The following ZNF518B variants were observed in gnomAD, a reference collection of about 807,000 sequenced individuals.
ZNF518B encodes zinc finger protein 518B.
A neutral mutation model predicts 56.3 loss-of-function variants in ZNF518B; 23 were observed. That is an observed-to-expected ratio of 0.41 (90% confidence interval 0.29 to 0.58). ZNF518B has a LOEUF of 0.58. Among genes scored for constraint, ZNF518B ranks in the 20% least tolerant of loss-of-function variants. The probability of loss-of-function intolerance (pLI) is 0.32; values close to 1 mark genes in which losing one functional copy is unlikely to be tolerated. For synonymous variants in ZNF518B, 529 were observed against 465.9 expected (o/e 1.14, Z -1.74); for missense variants, 1,460 against 1,272.1 (o/e 1.15, Z -2.25).
rs148154385 is a variant in ZNF518B at position 10,448,461 on chromosome 4, A to T, written c.-211-1922T>A. ...AACCTGCCCTTTGGAAAGCACCAAA[A>T]TAACACATCATATCTGATGACAAGC... On this transcript the variant is annotated intron_variant, in intron 2 of 2. Coordinates refer to ENST00000326756, the MANE Select transcript of ZNF518B (RefSeq NM_053042.3). Among the ~76,000 whole-genome samples the T allele has an allele frequency of 2.3e-3, 350 of 152,314 alleles. 1 individual carries two copies. Among genetic ancestry groups the T allele is most frequent in the South Asian group, 4.6e-3 (22 of 4,824 alleles).
Position 10,441,224 on chromosome 4 carries a change from A to AAAATTAGCT in ZNF518B, c.*1871_*1879dup, listed in dbSNP as rs1046268398. ...GTATCATTATAAAATAGGAAATCAG[A>AAAATTAGCT]AAATTAGCTACTGCAATTTTCATAT... is the stretch of plus-strand genomic sequence containing the variant. On this transcript the variant is annotated 3_prime_UTR_variant, in exon 3 of 3. Transcript: ENST00000326756. The AAAATTAGCT allele has an allele frequency of 6.6e-6, 1 of 152,616 alleles. No homozygotes were observed. Among genetic ancestry groups the AAAATTAGCT allele is most frequent in the African/African-American group, 2.4e-5 (1 of 41,452 alleles). 9.5% of individuals were successfully genotyped at this position (152,616 alleles called of 1,614,324 possible).
chr4:10,449,686 C>T (rs1050566417), intron 2 of ZNF518B, among the ~76,000 whole-genome samples: 1 of 152,192 alleles, frequency 6.6e-6, no homozygotes, highest in South Asian at 2.1e-4. Context: ...TCTGTTTATG[C>T]TCTGATCTAC....
At chr4:10,459,258 G>A (rs143747827), upstream of ZNF518B, among the ~76,000 whole-genome samples, 219 of 152,300 alleles carry the variant, frequency 1.4e-3, 1 homozygote, top group Non-Finnish European at 2.9e-3. Context: ...TTTGTGGAGT[G>A]TCTGGAAATG....
chr4:10,457,744 G>C (rs927768345), upstream of ZNF518B, among the ~76,000 whole-genome samples: 39 of 152,350 alleles, frequency 2.6e-4, no homozygotes, highest in Admixed American at 7.2e-4. Flanking sequence ...CCTCCCTGGA[G>C]CCTGCAGTCC....
Position 10,444,093 on chromosome 4 carries a change from G to C in ZNF518B, c.2236C>G (p.Pro746Ala), listed in dbSNP as rs1422829728. Residue 746 changes from proline (P) to alanine (A), a missense_variant, in exon 3 of 3, where the codon CCA (proline) becomes GCA (alanine). Transcript: ENST00000326756. ...NRQLTHQQIY[P>A]HFADGSNRKT... ...CTATTACTGCCATCTGCAAAGTGTG[G>C]ATATATTTGTTGATGAGTAAGCTGT... 1.9e-6 allele frequency: 3 copies of C among 1,614,204 alleles called. No homozygotes were observed. Among genetic ancestry groups the C allele is most frequent in the Non-Finnish European group, 2.5e-6 (3 of 1,180,040 alleles).
Position 10,445,303 on chromosome 4 carries a change from G to A in ZNF518B, c.1026C>T (p.Asn342=). 1 of 1,614,206 alleles carries A rather than the reference G, an allele frequency of 6.2e-7. No individual in the cohort carries two copies. Among genetic ancestry groups the A allele is most frequent in the Non-Finnish European group, 8.5e-7 (1 of 1,180,022 alleles). ...TCACATCTATCAACTGGGCTAAACA[G>A]TTTGCAGGGACAACTAGTTCTGCTG... ...VAPAELVVPA[N]CLAQLIDVKV... The change falls in exon 3 of 3, where the codon AAC becomes AAT. Residue 342 remains asparagine (N), a synonymous_variant. Coordinates refer to ENST00000326756, the MANE Select transcript of ZNF518B (RefSeq NM_053042.3).
rs10675116 is a variant in ZNF518B, at chr4:10,447,647, CTT to C, written c.-211-1110_-211-1109del. Among the ~76,000 whole-genome samples, 345 of 121,348 alleles carry C rather than the reference CTT, an allele frequency of 2.8e-3. 1 individual carries two copies. The highest frequency in any genetic ancestry group is 7.0e-3 in the African/African-American group (225 of 31,948). The allele number at this position is 121,348 out of a possible 152,430, so 79.6% of individuals were successfully genotyped here. A position where few individuals can be genotyped will look rare whatever the true frequency, so the allele number is the denominator to read the frequency against. On this transcript the variant is annotated intron_variant, in intron 2 of 2. Transcript: ENST00000326756. ...AGCACTCCAATATACACAGAGTGAC[CTT>C]TTTTTTTTTTTTTTTTTGAGACAGT... is the stretch of plus-strand genomic sequence containing the variant.
In ZNF518B at chr4:10,445,255, C is replaced by T. The variant is rs1184024222; in HGVS notation, c.1074G>A (p.Gln358=). The change falls in exon 3 of 3, where the codon CAG becomes CAA. Residue 358 remains glutamine, a synonymous_variant. Coordinates refer to ENST00000326756, the MANE Select transcript of ZNF518B (RefSeq NM_053042.3). Reference sequence around the variant, plus strand: ...CCAGCGGAAACAGTTTCAGAACAAGCTGCTGTGTACCATTGACAACCTTCA... The same window carrying T: ...CCAGCGGAAACAGTTTCAGAACAAGTTGCTGTGTACCATTGACAACCTTCA... ...IDVKVVNGTQ[Q]LVLKLFPLEE... The T allele has an allele frequency of 1.9e-6, 3 of 1,614,122 alleles. No homozygotes were observed. The highest frequency in any genetic ancestry group is 2.5e-6 in the Non-Finnish European group (3 of 1,179,938).
intron 2 of ZNF518B, chr4:10,454,325 G>T (rs1560175561): frequency 6.6e-6 from 1 of 152,236 alleles, no homozygotes; most frequent in South Asian, 2.1e-4. Flanking sequence ...TTAGAAATTT[G>T]AATGTTCCTG....
intron 2 of ZNF518B, chr4:10,453,083 A>G (rs924262374): frequency 6.6e-6 from 1 of 152,268 alleles, no homozygotes; most frequent in Non-Finnish European, 1.5e-5. Context: ...ACATGATTTC[A>G]AACTTGTTAA....
At chr4:10,453,385 T>C (rs1715403784) in intron 2 of ZNF518B, 2 of 152,204 alleles carry the variant, frequency 1.3e-5, no homozygotes, top group Non-Finnish European at 2.9e-5. Context: ...AGTGAGGGTC[T>C]TCTCCCCACC....
At chr4:10,458,056 A>G (rs1048549447), upstream of ZNF518B, among the ~76,000 whole-genome samples, 1 of 152,140 alleles carries the variant, frequency 6.6e-6, no homozygotes, top group African/African-American at 2.4e-5. Flanking sequence ...GTGTGAGCTC[A>G]TTTAATGCCA....
At chr4:10,458,050 G>C (rs1186881216), upstream of ZNF518B, among the ~76,000 whole-genome samples, 1 of 152,166 alleles carries the variant, frequency 6.6e-6, no homozygotes, top group Non-Finnish European at 1.5e-5. Context: ...GAGAGGGTGT[G>C]AGCTCATTTA....
rs4279200 is a variant in ZNF518B at position 10,451,327 on chromosome 4, T to G, written c.-212+3478A>C. On this transcript the variant is annotated intron_variant, in intron 2 of 2. Coordinates refer to ENST00000326756, the MANE Select transcript of ZNF518B (RefSeq NM_053042.3). ...GGAAACATCTAATGCTCAATAAAATTTGAAGAGAAGTAAGTGGTAACATAG... is the reference window on the plus strand; with the variant it reads ...GGAAACATCTAATGCTCAATAAAATGTGAAGAGAAGTAAGTGGTAACATAG... 3.3e-3 allele frequency: 507 copies of G among 152,252 alleles called. 1 individual carries two copies. The highest frequency in any genetic ancestry group is 0.012 in the African/African-American group (488 of 41,530). The allele number at this position is 152,252 out of a possible 1,614,324, so 9.4% of individuals were successfully genotyped here. A position where few individuals can be genotyped will look rare whatever the true frequency, so the allele number is the denominator to read the frequency against.
chr4:10,453,122 T>C (rs1345431768), intron 2 of ZNF518B: 1 of 152,252 alleles, frequency 6.6e-6, no homozygotes, highest in Non-Finnish European at 1.5e-5. Flanking sequence ...TTCTCACTTA[T>C]AAAATGTGAA....
At chr4:10,459,926 T>C (rs1014291482), upstream of ZNF518B, among the ~76,000 whole-genome samples, 1 of 152,022 alleles carries the variant, frequency 6.6e-6, no homozygotes, top group Non-Finnish European at 1.5e-5. Context: ...CTACCTAATG[T>C]AGGAGAGAAG....
In ZNF518B at chr4:10,445,038, T is replaced by G; in HGVS notation, c.1291A>C (p.Asn431His). 1 of 1,614,208 alleles carries G rather than the reference T, an allele frequency of 6.2e-7. No individual in the cohort carries two copies. The highest frequency in any genetic ancestry group is 8.5e-7 in the Non-Finnish European group (1 of 1,180,024). Reference protein sequence around the residue: ...FQPSVQKQLKNVKWVRSYDFI... With the variant: ...FQPSVQKQLKHVKWVRSYDFI... The stretch of plus-strand genomic sequence containing the variant: ...TCATAAGACCTTACCCATTTCACAT[T>G]TTTAAGCTGTTTCTGAACTGAAGGT... Residue 431 changes from asparagine to histidine, a missense_variant, in exon 3 of 3, where the codon AAT (asparagine) becomes CAT (histidine). Coordinates refer to ENST00000326756, the MANE Select transcript of ZNF518B (RefSeq NM_053042.3).
In ZNF518B at chr4:10,444,604, G is replaced by C. The variant is rs745462178; in HGVS notation, c.1725C>G (p.Asn575Lys). The change falls in exon 3 of 3, where the codon AAC becomes AAG. Residue 575 changes from asparagine (N) to lysine (K), a missense_variant. Physicochemically the swap from Asn to Lys is moderately conservative, Grantham distance 94 (BLOSUM62 0). Coordinates refer to ENST00000326756, the MANE Select transcript of ZNF518B (RefSeq NM_053042.3). ...VVSSNRKQED[N>K]QTEEHKAVST... ...AAACTGCCTTGTGTTCCTCTGTCTGGTTATCTTCCTGCTTCCTATTAGAGG... is the reference window on the plus strand; with the variant it reads ...AAACTGCCTTGTGTTCCTCTGTCTGCTTATCTTCCTGCTTCCTATTAGAGG... 2.5e-6 allele frequency: 4 copies of C among 1,613,974 alleles called. No individual in the cohort carries two copies. The highest frequency in any genetic ancestry group is 2.5e-6 in the Non-Finnish European group (3 of 1,180,030).
chr4:10,460,178 G>A (rs1021208625), upstream of ZNF518B, among the ~76,000 whole-genome samples: 1 of 151,482 alleles, frequency 6.6e-6, no homozygotes, highest in South Asian at 2.1e-4. Flanking sequence ...GGTGGCGGGC[G>A]CCTGTAATCC....
Sources: gnomAD v4.1 joint callset for allele counts (sites outside exome capture counted in the v4.1 genomes callset) on GRCh38, gnomAD v4.1.1 for gene constraint, MANE v1.5 for transcripts, NCBI Gene and HGNC (gene_info 2026-07-23, HGNC 2026-07-21) for gene names.